The following THOP1 variants were observed in gnomAD, a reference collection of about 807,000 sequenced individuals.
The protein encoded by THOP1 is thimet oligopeptidase 1, also known as thimet oligopeptidase.
In THOP1, 49 loss-of-function variants were observed where a neutral mutation model predicts 71.8. The ratio of observed to expected loss-of-function variants is 0.68; its 90% CI spans 0.54 to 0.87. THOP1 has a LOEUF of 0.87. Ranked by LOEUF, THOP1 falls within the 40% of genes least tolerant of loss-of-function variation. THOP1 has a pLI of 0.00. For missense variants in THOP1, 843 were observed against 975.6 expected (o/e 0.86, Z 1.81); for synonymous variants, 426 against 421.5 (o/e 1.01, Z -0.13).
chr19:2,804,800 G>A lies in THOP1; in HGVS notation c.590-216G>A, dbSNP rs1168449185. 9.3e-6 allele frequency: 5 copies of A among 535,246 alleles called. No homozygotes were observed. The highest frequency in any genetic ancestry group is 1.6e-5 in the Non-Finnish European group (5 of 304,940). The allele number at this position is 535,246 out of a possible 1,614,324, so 33.2% of individuals were successfully genotyped here. A position where few individuals can be genotyped will look rare whatever the true frequency, so the allele number is the denominator to read the frequency against. On this transcript the variant is annotated intron_variant, in intron 5 of 12. Coordinates refer to ENST00000307741, the MANE Select transcript of THOP1 (RefSeq NM_003249.5). This position sits in a 1 kb window ranked among gnomAD's most constrained non-coding sequence, Gnocchi z 4.7. ...AGGCGGGACGTGAGAAACGTGGCAG[G>A]TGGTGGCCAGGCTGTGGGGGAGCCA...
In THOP1 at chr19:2,804,748, T is replaced by G; in HGVS notation, c.590-268T>G. The G allele has an allele frequency of 2.4e-6, 1 of 412,318 alleles. No homozygotes were observed. Among genetic ancestry groups the G allele is most frequent in the Non-Finnish European group, 4.4e-6 (1 of 229,624 alleles). The allele number at this position is 412,318 out of a possible 1,614,324, so 25.5% of individuals were successfully genotyped here. Reference sequence around the variant, plus strand: ...GGGGCAGGAGATCCTGCTCTGAGGATGCTGGGGGGTTTCCTGGTGGGGTTA... The same window carrying G: ...GGGGCAGGAGATCCTGCTCTGAGGAGGCTGGGGGGTTTCCTGGTGGGGTTA... On this transcript the variant is annotated intron_variant, in intron 5 of 12. Coordinates refer to ENST00000307741, the MANE Select transcript of THOP1 (RefSeq NM_003249.5). This position sits in a 1 kb window ranked among gnomAD's most constrained non-coding sequence, Gnocchi z 4.7.
chr19:2,810,171 G>T, intron 9 of THOP1, 133 bp from the exon 10 acceptor site: 1 of 1,205,770 alleles, frequency 8.3e-7, no homozygotes, highest in Non-Finnish European at 1.1e-6. Flanking sequence ...CCAGTTTTGG[G>T]GTGGGAGGGC....
chr19:2,790,370 T>C, intron 1 of THOP1, 51 bp from the exon 2 acceptor site: 2 of 1,477,266 alleles, frequency 1.4e-6, no homozygotes, highest in South Asian at 2.8e-5. Flanking sequence ...ACTTTGACCC[T>C]AACTGAACCG....
At chr19:2,798,277 C>G (rs550624354) in intron 4 of THOP1, among the ~76,000 whole-genome samples, 2 of 152,110 alleles carry the variant, frequency 1.3e-5, no homozygotes, top group Non-Finnish European at 2.9e-5. Context: ...GTGATTCACC[C>G]GCCTTGGCCT....
chr19:2,802,458 C>A (rs866390022), intron 5 of THOP1, among the ~76,000 whole-genome samples: 5 of 139,710 alleles, frequency 3.6e-5, no homozygotes, highest in South Asian at 2.5e-4. Context: ...TCCCGACACC[C>A]CCACCTCCCG....
chr19:2,793,458 G>A (rs1260505328), intron 2 of THOP1, among the ~76,000 whole-genome samples: 3 of 152,086 alleles, frequency 2.0e-5, no homozygotes, highest in East Asian at 1.9e-4. Context: ...TTGGGAGGCC[G>A]AGGCAGATGG....
intron 11 of THOP1, 128 bp downstream of exon 11, chr19:2,810,896 C>CGCAGGGGAAG (rs2144784853): frequency 7.2e-7 from 1 of 1,394,564 alleles, no homozygotes; most frequent in East Asian, 2.6e-5. Context: ...AGCCACGGAG[C>CGCAGGGGAAG]GCGTCCCAGG....
intron 11 of THOP1, among the ~76,000 whole-genome samples, chr19:2,811,303 T>C (rs979880792): frequency 1.3e-5 from 2 of 152,244 alleles, no homozygotes; most frequent in African/African-American, 4.8e-5. Flanking sequence ...TGATGTTGCG[T>C]GGGCGTGCCT....
rs1305817502 is a variant in THOP1 at position 2,807,554 on chromosome 19, T to C, written c.999T>C (p.Arg333=). Residue 333 remains arginine (R), a synonymous_variant, in exon 8 of 13, where the codon CGT becomes CGC. Coordinates refer to ENST00000307741, the MANE Select transcript of THOP1 (RefSeq NM_003249.5). The stretch of plus-strand genomic sequence containing the variant: ...GCCTGCCCTTCGACGGCCGCATCCG[T>C]GCCTGGGACATGCGCTACTACATGA... ...RRGLPFDGRI[R]AWDMRYYMNQ... is the part of the protein sequence containing the mutation. The C allele has an allele frequency of 6.2e-7, 1 of 1,612,520 alleles. No individual in the cohort carries two copies. Among genetic ancestry groups the C allele is most frequent in the East Asian group, 2.2e-5 (1 of 44,842 alleles).
chr19:2,790,211 A>T (rs1316185904), intron 1 of THOP1, among the ~76,000 whole-genome samples: 3 of 152,102 alleles, frequency 2.0e-5, no homozygotes, highest in African/African-American at 7.2e-5. Flanking sequence ...TGTGTCCTAG[A>T]TGTCACCCAG....
rs369416296 is a variant in THOP1 at position 2,787,788 on chromosome 19, G to A, written c.16+2110G>A. 1.1e-4 allele frequency among the ~76,000 whole-genome samples: 16 copies of A among 152,308 alleles called. No homozygotes were observed. In the East Asian group the frequency reaches 2.5e-3, roughly 24 times the overall value. On this transcript the variant is annotated intron_variant, in intron 1 of 12. Transcript: ENST00000307741. ...GTTGTCACAGTTGGGGGGCGCTCCT[G>A]GTATGGAATGGATGGAGGCCGGGGA...
intron 5 of THOP1, among the ~76,000 whole-genome samples, chr19:2,803,703 T>C (rs1174594327): frequency 6.6e-6 from 1 of 152,162 alleles, no homozygotes; most frequent in East Asian, 1.9e-4. Context: ...CATGCTGCAG[T>C]CACTCGGCAG....
chr19:2,807,132 C>T, intron 7 of THOP1, 80 bp downstream of exon 7: 1 of 1,471,732 alleles, frequency 6.8e-7, no homozygotes, highest in Non-Finnish European at 9.0e-7. Context: ...CGGTGCTACC[C>T]CTAGAGCCTT....
chr19:2,790,649 G>T lies in THOP1; in HGVS notation c.229+16G>T. 3 of 1,521,804 alleles carry T rather than the reference G, an allele frequency of 2.0e-6. No homozygotes were observed. Among genetic ancestry groups the T allele is most frequent in the Non-Finnish European group, 2.6e-6 (3 of 1,134,612 alleles). 94.3% of individuals were successfully genotyped at this position (1,521,804 alleles called of 1,614,324 possible). On this transcript the variant is annotated intron_variant, in intron 2 of 12. Transcript: ENST00000307741. ...ACCTACACAGGTAAGTCCCAGGCAG[G>T]GTCTGTGCGTGGGCCGCAGGTGCCG...
Position 2,813,232 on chromosome 19 carries a change from G to C in THOP1, c.2026G>C (p.Gly676Arg). Reference sequence around the variant, plus strand: ...GCAGGACGCCTTCCTCCTGAGCAAGGGGCTGCAGGTCGGGGGCTGCGAGCC... The same window carrying C: ...GCAGGACGCCTTCCTCCTGAGCAAGCGGCTGCAGGTCGGGGGCTGCGAGCC... Reference protein sequence around the residue: ...PKQDAFLLSKGLQVGGCEPEP... With the variant: ...PKQDAFLLSKRLQVGGCEPEP... Residue 676 changes from glycine to arginine, a missense_variant, in exon 13 of 13, where the codon GGG becomes CGG. Transcript: ENST00000307741. 1.2e-6 allele frequency: 2 copies of C among 1,612,020 alleles called. No homozygotes were observed. The highest frequency in any genetic ancestry group is 1.7e-6 in the Non-Finnish European group (2 of 1,179,664).
rs1916262773 is a variant in THOP1, at chr19:2,805,240, C to T, written c.750+64C>T. On this transcript the variant is annotated intron_variant, in intron 6 of 12. Transcript: ENST00000307741. The surrounding 1 kb of genome is among the most constrained non-coding windows in gnomAD (Gnocchi z 6.6). The stretch of plus-strand genomic sequence containing the variant: ...CTGGAGCTTGTGGGGCCCGTCTGCT[C>T]CATGTGTGTGAGGCACCTCCAGGCT... The T allele has an allele frequency of 9.8e-6, 15 of 1,527,646 alleles. No homozygotes were observed. Among genetic ancestry groups the T allele is most frequent in the Admixed American group, 2.1e-5 (1 of 48,518 alleles). The allele number at this position is 1,527,646 out of a possible 1,614,324, so 94.6% of individuals were successfully genotyped here.
At chr19:2,812,495 C>T (rs1209470785) in intron 12 of THOP1, 8 of 1,195,842 alleles carry the variant, frequency 6.7e-6, no homozygotes, top group Middle Eastern at 5.9e-4. Context: ...GACCTCCCCC[C>T]TCCTGAGGCA....
intron 6 of THOP1, chr19:2,806,595 A>G (rs1487020254): frequency 2.7e-6 from 1 of 370,266 alleles, no homozygotes; most frequent in Non-Finnish European, 4.9e-6. Context: ...GAGACTGGGA[A>G]CCAAGGCCTG....
In THOP1 at chr19:2,785,659, C is replaced by T; in HGVS notation, c.-4C>T. 1 of 1,495,940 alleles carries T rather than the reference C, an allele frequency of 6.7e-7. No homozygotes were observed. The highest frequency in any genetic ancestry group is 8.9e-7 in the Non-Finnish European group (1 of 1,120,670). The allele number at this position is 1,495,940 out of a possible 1,614,324, so 92.7% of individuals were successfully genotyped here. A position where few individuals can be genotyped will look rare whatever the true frequency, so the allele number is the denominator to read the frequency against. ...AGGGAGCCGCAGGCGCAGACCCACC[C>T]GCCATGAAGCCCCCCGCAGGTACCG... On this transcript the variant is annotated 5_prime_UTR_variant, in exon 1 of 13. Transcript: ENST00000307741.
Sources: gnomAD v4.1 joint callset for allele counts (sites outside exome capture counted in the v4.1 genomes callset) on GRCh38, gnomAD v4.1.1 for gene constraint, Gnocchi (gnomAD v3.1) non-coding constraint, MANE v1.5 for transcripts, NCBI Gene and HGNC (gene_info 2026-07-23, HGNC 2026-07-21) for gene names.